Variants in DMXL2 observed in about 807,000 individuals in gnomAD.
DMXL2 encodes dmX-like protein 2.
In DMXL2, 103 loss-of-function variants were observed where a neutral mutation model predicts 331.1. That is an observed-to-expected ratio of 0.31 (90% CI 0.27 to 0.37). The LOEUF (loss-of-function observed/expected upper bound fraction) is 0.37. Ranked by LOEUF, DMXL2 falls within the 10% of genes least tolerant of loss-of-function variation. The pLI, the probability that DMXL2 is intolerant of heterozygous loss-of-function variation, is 1.00. For missense variants in DMXL2, 3,171 were observed against 3,642.9 expected (o/e 0.87, Z 3.33); for synonymous variants, 1,281 against 1,252.1 (o/e 1.02, Z -0.49).
At chr15:51,586,367 C>A (rs1267222962) in intron 1 of DMXL2, among the ~76,000 whole-genome samples, 1 of 151,932 alleles carries the variant, frequency 6.6e-6, no homozygotes, top group African/African-American at 2.4e-5. Flanking sequence ...CAAAGCTTGA[C>A]TACAAATATG....
chr15:51,474,828 T>A (rs1237204657), intron 27 of DMXL2, among the ~76,000 whole-genome samples: 1 of 152,124 alleles, frequency 6.6e-6, no homozygotes, highest in African/African-American at 2.4e-5. Flanking sequence ...AAGGGGAAGC[T>A]CTTCCTTAAA....
At chr15:51,525,493 T>TG (rs1272127015) in intron 13 of DMXL2, among the ~76,000 whole-genome samples, 3 of 152,174 alleles carry the variant, frequency 2.0e-5, no homozygotes, top group African/African-American at 7.2e-5. Flanking sequence ...AGCAGGCTCT[T>TG]GGAGTCCCCA....
In DMXL2 at chr15:51,495,010, A is replaced by C; in HGVS notation, c.4783+14T>G. On this transcript the variant is annotated intron_variant, in intron 19 of 43. Coordinates refer to ENST00000560891, the MANE Select transcript of DMXL2 (RefSeq NM_001378457.1). ...GTAAAAGTTGTGCAAAGCTTCAAAC[A>C]GTGAGTGAATTACCTTGATGAAGTA... The C allele has an allele frequency of 6.3e-7, 1 of 1,591,296 alleles. No homozygotes were observed. Among genetic ancestry groups the C allele is most frequent in the Non-Finnish European group, 8.6e-7 (1 of 1,160,678 alleles).
chr15:51,480,646 G>A lies in DMXL2; in HGVS notation c.6460C>T (p.Leu2154Phe), dbSNP rs769028312. 6.2e-7 allele frequency: 1 copy of A among 1,612,562 alleles called. No individual in the cohort carries two copies. Among genetic ancestry groups the A allele is most frequent in the East Asian group, 2.2e-5 (1 of 44,836 alleles). Reference protein sequence around the residue: ...RKSWLQKNQDLLRVFLSYCSL... With the variant: ...RKSWLQKNQDFLRVFLSYCSL... ...CAGTAGCTGAGAAATACTCTCAGGA[G>A]ATCTTGGTTTTTCTGCAACCACGAC... is the stretch of plus-strand genomic sequence containing the variant. Residue 2154 changes from leucine to phenylalanine, a missense_variant, in exon 24 of 44, where the codon CTC (leucine) becomes TTC (phenylalanine). Coordinates refer to ENST00000560891, the MANE Select transcript of DMXL2 (RefSeq NM_001378457.1).
At chr15:51,509,182 G>A (rs1041061865) in intron 15 of DMXL2, among the ~76,000 whole-genome samples, 12 of 151,492 alleles carry the variant, frequency 7.9e-5, no homozygotes, top group African/African-American at 2.7e-4. Context: ...TAAGTAGTCA[G>A]AGAAACTTCT....
At chr15:51,464,377 G>A (rs1011849402) in intron 32 of DMXL2, among the ~76,000 whole-genome samples, 4 of 152,180 alleles carry the variant, frequency 2.6e-5, no homozygotes, top group African/African-American at 9.7e-5. Context: ...TCCATCCTGG[G>A]TGACAGAGTG....
intron 1 of DMXL2, among the ~76,000 whole-genome samples, chr15:51,597,328 C>G (rs77049163): frequency 1.3e-5 from 2 of 152,270 alleles, no homozygotes; most frequent in East Asian, 3.9e-4. Flanking sequence ...TGGGAAATCA[C>G]CCCCTTATTT....
In DMXL2 at chr15:51,568,511, G is replaced by A. The variant is rs201857100; in HGVS notation, c.261C>T (p.Gly87=). The change falls in exon 3 of 44, where the codon GGC becomes GGT. Residue 87 remains glycine (G), a synonymous_variant. Coordinates refer to ENST00000560891, the MANE Select transcript of DMXL2 (RefSeq NM_001378457.1). ...GNAVCIFEPL[G]INSHKRNCQL... is the part of the protein sequence containing the mutation. ...CACAATTTCTTTTATGAGAATTTATGCCCAAGGGCTCAAATATACAAACAG... is the reference window on the plus strand; with the variant it reads ...CACAATTTCTTTTATGAGAATTTATACCCAAGGGCTCAAATATACAAACAG... The A allele has an allele frequency of 1.3e-6, 2 of 1,574,668 alleles. No homozygotes were observed. Among genetic ancestry groups the A allele is most frequent in the Non-Finnish European group, 1.7e-6 (2 of 1,167,152 alleles).
intron 3 of DMXL2, 173 bp downstream of exon 3, chr15:51,568,314 T>C (rs974416184): frequency 3.9e-6 from 2 of 516,044 alleles, no homozygotes; most frequent in Non-Finnish European, 6.9e-6. Flanking sequence ...CTAAAAGCAC[T>C]AGGGATGTAT....
At chr15:51,517,199 C>T (rs1295649526) in intron 13 of DMXL2, 32 bp from the exon 14 acceptor site, 2 of 1,496,728 alleles carry the variant, frequency 1.3e-6, no homozygotes, top group Non-Finnish European at 1.9e-6. Flanking sequence ...TGTTAATGGC[C>T]AACAAATTAT....
At chr15:51,479,828 A>T in intron 25 of DMXL2, 120 bp downstream of exon 25, 1 of 671,988 alleles carries the variant, frequency 1.5e-6, no homozygotes. Context: ...TCTTGAACTG[A>T]TCATGAGTGA....
intron 9 of DMXL2, among the ~76,000 whole-genome samples, chr15:51,540,672 C>T (rs1488673444): frequency 1.3e-5 from 2 of 151,962 alleles, no homozygotes; most frequent in Non-Finnish European, 1.5e-5. Context: ...CAAGTCCTAA[C>T]AATATAAAAT....
chr15:51,455,957 G>T (rs754249472), intron 39 of DMXL2, 109 bp downstream of exon 39: 9 of 1,325,038 alleles, frequency 6.8e-6, no homozygotes, highest in Non-Finnish European at 9.5e-6. Context: ...TGTCTACTCA[G>T]TTTAAATCCA....
intron 1 of DMXL2, among the ~76,000 whole-genome samples, chr15:51,589,187 G>C (rs1335501131): frequency 1.3e-5 from 2 of 152,220 alleles, no homozygotes; most frequent in Admixed American, 6.5e-5. Context: ...ACCAGAAAGA[G>C]TGGAGCTGAA....
intron 13 of DMXL2, among the ~76,000 whole-genome samples, chr15:51,525,422 G>A (rs1283311063): frequency 6.6e-6 from 1 of 152,114 alleles, no homozygotes; most frequent in Non-Finnish European, 1.5e-5. Flanking sequence ...AGAGGCAAAA[G>A]TAAAGGGAAC....
chr15:51,473,696 T>C (rs571538003), intron 28 of DMXL2, among the ~76,000 whole-genome samples: 23 of 152,248 alleles, frequency 1.5e-4, no homozygotes, highest in African/African-American at 4.3e-4. Flanking sequence ...TAGAAATCTT[T>C]CCTGCGGCAT....
intron 14 of DMXL2, 117 bp from the exon 15 acceptor site, chr15:51,514,676 T>C: frequency 1.5e-6 from 1 of 657,360 alleles, no homozygotes; most frequent in Non-Finnish European, 2.6e-6. Flanking sequence ...ATTTCTATTC[T>C]TTACCACTAC....
chr15:51,514,241 G>A (rs2046907685), intron 15 of DMXL2, among the ~76,000 whole-genome samples: 4 of 152,096 alleles, frequency 2.6e-5, no homozygotes, highest in Admixed American at 2.0e-4. Flanking sequence ...AAAAGTTGAT[G>A]TCACCAATGA....
Position 51,448,941 on chromosome 15 carries a change from G to T in DMXL2, c.*43C>A. On this transcript the variant is annotated 3_prime_UTR_variant, in exon 44 of 44. Transcript: ENST00000560891. ...AGAATTGCCTAGTGATGACTGTAGT[G>T]TGCCTTTTAACTGAAATGTATATAA... is the stretch of plus-strand genomic sequence containing the variant. 6.4e-7 allele frequency: 1 copy of T among 1,574,502 alleles called. No homozygotes were observed. Among genetic ancestry groups the T allele is most frequent in the Non-Finnish European group, 8.7e-7 (1 of 1,150,604 alleles).
Sources: allele counts gnomAD v4.1 joint callset (sites outside exome capture counted in the v4.1 genomes callset), GRCh38; gene constraint gnomAD v4.1.1; transcripts MANE v1.5; gene names NCBI Gene and HGNC (gene_info 2026-07-23, HGNC 2026-07-21).